Variants in C4orf50 observed in about 807,000 individuals in gnomAD.
C4orf50 encodes uncharacterized protein C4orf50.
A neutral mutation model predicts 77.2 loss-of-function variants in C4orf50; 80 were observed. That is an observed-to-expected ratio of 1.04 (90% CI 0.87 to 1.25). The LOEUF is 1.25. Among genes scored for constraint, C4orf50 ranks in the 50% most tolerant of loss-of-function variants. C4orf50 has a pLI of 0.00. For synonymous variants in C4orf50, 532 were observed against 465.3 expected (o/e 1.14, Z -1.84); for missense variants, 1,257 against 1,152.9 (o/e 1.09, Z -1.31).
Position 6,007,826 on chromosome 4 carries a change from T to A in C4orf50, c.963+170A>T, listed in dbSNP as rs1042403173. Among the ~76,000 whole-genome samples the A allele has an allele frequency of 5.2e-4, 2 of 3,882 alleles. No homozygotes were observed. The highest frequency in any genetic ancestry group is 2.9e-3 in the Admixed American group (1 of 342). 2.5% of individuals were successfully genotyped at this position (3,882 alleles called of 152,430 possible). On this transcript the variant is annotated intron_variant, in intron 25 of 33. Transcript: ENST00000531445. This position sits in a 1 kb window ranked among gnomAD's most constrained non-coding sequence, Gnocchi z 4.1. ...GAGTATGTGAGGTTAGATGGGAGGG[T>A]GGGTGGGGAGGTGAGTAGATGCAGT...
intron 7 of C4orf50, among the ~76,000 whole-genome samples, chr4:5,907,658 A>C (rs1300399401): frequency 6.6e-6 from 1 of 152,208 alleles, no homozygotes; most frequent in Non-Finnish European, 1.5e-5. Flanking sequence ...ATAAAGAGGC[A>C]TATGGGGGCT....
chr4:5,910,066 C>T (rs916326778), intron 7 of C4orf50, among the ~76,000 whole-genome samples: 19 of 151,952 alleles, frequency 1.3e-4, no homozygotes, highest in East Asian at 5.8e-4. Flanking sequence ...TTGATAGGGA[C>T]GGCATTGAAT....
intron 7 of C4orf50, among the ~76,000 whole-genome samples, chr4:5,920,674 A>C (rs1717226057): frequency 7.8e-6 from 1 of 128,300 alleles, no homozygotes; most frequent in Admixed American, 7.9e-5. Context: ...ATGGGCTTTC[A>C]CCATTTGGCC....
At chr4:5,962,920 A>G (rs74973519) in intron 33 of C4orf50, among the ~76,000 whole-genome samples, 2,543 of 151,898 alleles carry the variant, frequency 0.017, 29 homozygotes, top group African/African-American at 0.034. Flanking sequence ...CATTCCTCCA[A>G]ATGCCTCATG....
chr4:5,918,419 C>A (rs967165761), intron 7 of C4orf50, among the ~76,000 whole-genome samples: 1 of 152,152 alleles, frequency 6.6e-6, no homozygotes, highest in African/African-American at 2.4e-5. Context: ...TGGTCCACAC[C>A]GTCACCTTTG....
In C4orf50 at chr4:6,011,552, C is replaced by A. The variant is rs543297802; in HGVS notation, c.426+278G>T. ...GCATAAGAGCTCCGGACCCCAGGAG[C>A]CCTGCATCAGCCAACTCCTGTCCTC... On this transcript the variant is annotated intron_variant, in intron 24 of 33. Coordinates refer to ENST00000531445, the Ensembl canonical transcript of C4orf50. The surrounding 1 kb of genome is among the most constrained non-coding windows in gnomAD (Gnocchi z 4.2). 2.0e-5 allele frequency among the ~76,000 whole-genome samples: 3 copies of A among 152,232 alleles called. No individual in the cohort carries two copies. Among genetic ancestry groups the A allele is most frequent in the Admixed American group, 6.5e-5 (1 of 15,298 alleles).
At chr4:5,907,929 T>C (rs917347498) in intron 7 of C4orf50, among the ~76,000 whole-genome samples, 3 of 152,202 alleles carry the variant, frequency 2.0e-5, no homozygotes, top group African/African-American at 7.2e-5. Context: ...GAGAGTACTC[T>C]GCATGGAGTC....
At chr4:5,974,558 G>T (rs1720144525) in intron 30 of C4orf50, among the ~76,000 whole-genome samples, 1 of 152,178 alleles carries the variant, frequency 6.6e-6, no homozygotes, top group Non-Finnish European at 1.5e-5. Context: ...GCCCCAGAGG[G>T]AGGATGACTC....
intron 25 of C4orf50, among the ~76,000 whole-genome samples, chr4:6,006,627 T>C (rs1722262840): frequency 6.6e-6 from 1 of 152,224 alleles, no homozygotes. Context: ...ACAGTAGGAA[T>C]ACATAAAATG....
chr4:5,927,896 C>T (rs1017972710), intron 7 of C4orf50, among the ~76,000 whole-genome samples: 10 of 152,120 alleles, frequency 6.6e-5, no homozygotes, highest in African/African-American at 2.4e-4. Context: ...ACTGCCAATC[C>T]CCTCCCCAAC....
rs1577870000 is a variant in C4orf50, at chr4:5,905,156, G to A, written c.*2475-6968C>T. ...ATTTGTGCACGGCGACCCAGCGTAGGAGCAGCAGAGCCGACAGGTCCTTGG... is the reference window on the plus strand; with the variant it reads ...ATTTGTGCACGGCGACCCAGCGTAGAAGCAGCAGAGCCGACAGGTCCTTGG... On this transcript the variant is annotated intron_variant, in intron 7 of 7. Coordinates refer to the C4orf50 transcript ENST00000324058. The surrounding 1 kb of genome is among the most constrained non-coding windows in gnomAD (Gnocchi z 5.4). 1.3e-5 allele frequency: 2 copies of A among 152,214 alleles called. No individual in the cohort carries two copies. Among genetic ancestry groups the A allele is most frequent in the Non-Finnish European group, 2.9e-5 (2 of 68,044 alleles). The allele number at this position is 152,214 out of a possible 1,614,324, so 9.4% of individuals were successfully genotyped here.
Position 5,916,933 on chromosome 4 carries a change from G to T in C4orf50, c.*2475-18745C>A, listed in dbSNP as rs1717053576. 6.6e-6 allele frequency among the ~76,000 whole-genome samples: 1 copy of T among 152,150 alleles called. No homozygotes were observed. Among genetic ancestry groups the T allele is most frequent in the African/African-American group, 2.4e-5 (1 of 41,452 alleles). ...TCGGGCCCAAACACATCACTATGTG[G>T]ACTGAAGAGGGTGGAAATCCAGAGC... On this transcript the variant is annotated intron_variant, in intron 7 of 7. Coordinates refer to the C4orf50 transcript ENST00000324058. The surrounding 1 kb of genome is among the most constrained non-coding windows in gnomAD (Gnocchi z 4.4).
At chr4:5,979,207 ACAG>A (rs1336538097) in intron 29 of C4orf50, among the ~76,000 whole-genome samples, 2 of 152,232 alleles carry the variant, frequency 1.3e-5, no homozygotes, top group Non-Finnish European at 2.9e-5. Flanking sequence ...ATTTAGATAT[ACAG>A]CAGAAGTATA....
chr4:5,954,636 C>G (rs575641654), downstream of C4orf50, among the ~76,000 whole-genome samples: 3 of 152,182 alleles, frequency 2.0e-5, no homozygotes, highest in Admixed American at 6.5e-5. This position sits in a 1 kb window ranked among gnomAD's most constrained non-coding sequence, Gnocchi z 4.7. Flanking sequence ...GACGTGCCAG[C>G]CTGTATTCGA....
chr4:5,923,551 G>A (rs973652303), intron 7 of C4orf50, among the ~76,000 whole-genome samples: 2 of 152,050 alleles, frequency 1.3e-5, no homozygotes, highest in African/African-American at 4.8e-5. Flanking sequence ...ATAGAAAGGA[G>A]GCAGAACCCA....
chr4:6,016,911 C>T (rs1202331216), intron 23 of C4orf50, among the ~76,000 whole-genome samples: 1 of 152,152 alleles, frequency 6.6e-6, no homozygotes. Context: ...CGCAAAAATC[C>T]AAGGCACGTG....
Position 6,017,803 on chromosome 4 carries a change from G to C in C4orf50, c.287+342C>G, listed in dbSNP as rs1386534364. Among the ~76,000 whole-genome samples the C allele has an allele frequency of 6.6e-6, 1 of 152,144 alleles. No homozygotes were observed. Among genetic ancestry groups the C allele is most frequent in the Non-Finnish European group, 1.5e-5 (1 of 68,028 alleles). Reference sequence around the variant, plus strand: ...TTCTCAGTTCCTTCTACACTTCCCTGTCACTTTGAACATAGGGCCCTTTCA... The same window carrying C: ...TTCTCAGTTCCTTCTACACTTCCCTCTCACTTTGAACATAGGGCCCTTTCA... On this transcript the variant is annotated intron_variant, in intron 23 of 33. Transcript: ENST00000531445. The surrounding 1 kb of genome is among the most constrained non-coding windows in gnomAD (Gnocchi z 4.7).
At chr4:5,946,066 A>T (rs13121232) in intron 7 of C4orf50, among the ~76,000 whole-genome samples, 2 of 152,080 alleles carry the variant, frequency 1.3e-5, no homozygotes, top group African/African-American at 4.8e-5. Flanking sequence ...TCTATGGCAG[A>T]CCCCGGCTCT....
At chr4:5,966,383 G>A (rs920520862) in intron 32 of C4orf50, among the ~76,000 whole-genome samples, 1 of 151,868 alleles carries the variant, frequency 6.6e-6, no homozygotes. Flanking sequence ...GCTGAGGCAA[G>A]AGAATTGCTT....
Sources: gnomAD v4.1 joint callset for allele counts (sites outside exome capture counted in the v4.1 genomes callset) on GRCh38, gnomAD v4.1.1 for gene constraint, Gnocchi (gnomAD v3.1) non-coding constraint, MANE v1.5 for transcripts, NCBI Gene and HGNC (gene_info 2026-07-23, HGNC 2026-07-21) for gene names.